The following CLHC1 variants were observed in gnomAD, a reference collection of about 807,000 sequenced individuals.
The protein encoded by CLHC1 is clathrin heavy chain linker domain containing 1.
In CLHC1, 72 loss-of-function variants were observed where a neutral mutation model predicts 69.5. That is an observed-to-expected ratio of 1.04 (90% confidence interval 0.86 to 1.26). CLHC1 has a LOEUF of 1.26. CLHC1 is among the 50% of genes most tolerant of loss of function. The probability of loss-of-function intolerance (pLI) is 0.00; values close to 1 mark genes in which losing one functional copy is unlikely to be tolerated. For missense variants in CLHC1, 790 were observed against 679.3 expected, an observed-to-expected ratio of 1.16 and a Z score of -1.81; for synonymous variants, 223 against 224.3, an observed-to-expected ratio of 0.99 and a Z score of 0.05.
intron 8 of CLHC1, 31 bp downstream of exon 8, chr2:55,208,595 T>A (rs756302015): frequency 1.5e-6 from 2 of 1,365,520 alleles, no homozygotes; most frequent in Admixed American, 1.8e-5. Flanking sequence ...AAAATATAAT[T>A]CTGAAAAATT....
At chr2:55,211,305 T>C (rs1373778637) in intron 5 of CLHC1, among the ~76,000 whole-genome samples, 1 of 151,854 alleles carries the variant, frequency 6.6e-6, no homozygotes, top group Non-Finnish European at 1.5e-5. Context: ...ATCAAGACCA[T>C]CATGGCTAAC....
intron 6 of CLHC1, 23 bp from the exon 7 acceptor site, chr2:55,209,539 T>A (rs1461227012): frequency 6.3e-7 from 1 of 1,580,990 alleles, no homozygotes; most frequent in Non-Finnish European, 8.7e-7. Context: ...AAAACGTCAA[T>A]AACACACTGA....
intron 4 of CLHC1, among the ~76,000 whole-genome samples, chr2:55,215,610 T>A (rs1190611069): frequency 6.6e-6 from 1 of 152,216 alleles, no homozygotes; most frequent in East Asian, 1.9e-4. Context: ...AGTTTACCTC[T>A]GGTTCACCCT....
Position 55,209,745 on chromosome 2 carries a change from C to T in CLHC1, c.586G>A (p.Ala196Thr), listed in dbSNP as rs1360585645. 10 of 1,612,182 alleles carry T rather than the reference C, an allele frequency of 6.2e-6. No individual in the cohort carries two copies. The highest frequency in any genetic ancestry group is 1.1e-5 in the South Asian group (1 of 91,054). ...LEDKYAEIKQ[A>T]MLIKYVPAQR... is the part of the protein sequence containing the mutation. ...GCTGGCACATATTTTATCAACATAG[C>T]TTGTTTAATTTCTGCATATTTATCT... is the stretch of plus-strand genomic sequence containing the variant. The change falls in exon 6 of 13, where the codon GCT (alanine) becomes ACT (threonine). Residue 196 changes from alanine to threonine, a missense_variant. Coordinates refer to ENST00000401408, the MANE Select transcript of CLHC1 (RefSeq NM_152385.4).
Position 55,173,086 on chromosome 2 carries a change from A to G in CLHC1, c.*2704T>C, listed in dbSNP as rs1486082842. Among the ~76,000 whole-genome samples, 1 of 152,218 alleles carries G rather than the reference A, an allele frequency of 6.6e-6. No individual in the cohort carries two copies. The highest frequency in any genetic ancestry group is 1.5e-5 in the Non-Finnish European group (1 of 68,040). On this transcript the variant is annotated 3_prime_UTR_variant, in exon 13 of 13. Coordinates refer to ENST00000401408, the MANE Select transcript of CLHC1 (RefSeq NM_152385.4). ...AGAAAACCTAATATGAAATCAGAGAAACTTAGTTCATCATGACCCTTGCTT... is the reference window on the plus strand; with the variant it reads ...AGAAAACCTAATATGAAATCAGAGAGACTTAGTTCATCATGACCCTTGCTT...
intron 9 of CLHC1, among the ~76,000 whole-genome samples, chr2:55,194,246 G>A (rs973542417): frequency 8.6e-5 from 13 of 151,938 alleles, no homozygotes; most frequent in African/African-American, 3.1e-4. Flanking sequence ...AAATTTTGTG[G>A]AGTTTTTCCC....
intron 9 of CLHC1, among the ~76,000 whole-genome samples, chr2:55,200,261 T>TAAA (rs151215512): frequency 2.8e-4 from 29 of 103,884 alleles, no homozygotes; most frequent in South Asian, 9.3e-4. Context: ...GCTGAGTAGA[T>TAAA]AAAAAAAAAA....
At chr2:55,186,168 T>G (rs1362203977) in intron 9 of CLHC1, among the ~76,000 whole-genome samples, 1 of 152,280 alleles carries the variant, frequency 6.6e-6, no homozygotes, top group Middle Eastern at 3.4e-3. Flanking sequence ...ATGTATGTGA[T>G]TCAGGAAGTC....
At chr2:55,223,527 G>C (rs977514616) in intron 2 of CLHC1, among the ~76,000 whole-genome samples, 4 of 152,094 alleles carry the variant, frequency 2.6e-5, no homozygotes. Flanking sequence ...GCTGTGCTCC[G>C]AGCGCCAAGG....
At position 55,185,278 on chromosome 2, in the gene CLHC1, C is replaced by T. The variant is rs141606403; in HGVS notation, c.1007-3534G>A. Among the ~76,000 whole-genome samples the T allele has an allele frequency of 2.2e-3, 339 of 152,126 alleles. 1 individual carries two copies. Among genetic ancestry groups the T allele is most frequent in the African/African-American group, 7.7e-3 (320 of 41,494 alleles). On this transcript the variant is annotated intron_variant, in intron 9 of 12. Transcript: ENST00000401408. Reference sequence around the variant, plus strand: ...AGAAAGTCTCAGGAATTGCCAGCACCGGGAACCTCTGTAATGAGATGGGCT... The same window carrying T: ...AGAAAGTCTCAGGAATTGCCAGCACTGGGAACCTCTGTAATGAGATGGGCT...
chr2:55,200,060 C>T (rs745637430), intron 9 of CLHC1, among the ~76,000 whole-genome samples: 2 of 151,662 alleles, frequency 1.3e-5, no homozygotes, highest in Admixed American at 6.6e-5. Flanking sequence ...CTTGTCTCCA[C>T]AAAAATTTAA....
rs766514446 is a variant in CLHC1 at position 55,175,822 on chromosome 2, C to A, written c.1729G>T (p.Ala577Ser). The change falls in exon 13 of 13, where the codon GCA becomes TCA. Residue 577 changes from alanine to serine, a missense_variant. Ala to Ser is a moderately conservative substitution (Grantham distance 99, BLOSUM62 1). Coordinates refer to ENST00000401408, the MANE Select transcript of CLHC1 (RefSeq NM_152385.4). The stretch of plus-strand genomic sequence containing the variant: ...AACACATGTTCCATTAGGTTGACTG[C>A]GTCATCCTCTTCAGAAATTTCTGTA... ...AVTEISEEDD[A>S]VNLMEHVFW 6.2e-7 allele frequency: 1 copy of A among 1,613,612 alleles called. No homozygotes were observed. Among genetic ancestry groups the A allele is most frequent in the East Asian group, 2.2e-5 (1 of 44,842 alleles).
chr2:55,221,389 AAGTC>A (rs1185870657), intron 3 of CLHC1, among the ~76,000 whole-genome samples: 1 of 152,222 alleles, frequency 6.6e-6, no homozygotes, highest in African/African-American at 2.4e-5. Flanking sequence ...ATGTTCCACA[AAGTC>A]AGAGCATTTT....
At chr2:55,212,199 C>A (rs545470606) in intron 5 of CLHC1, among the ~76,000 whole-genome samples, 5 of 152,258 alleles carry the variant, frequency 3.3e-5, no homozygotes, top group African/African-American at 1.2e-4. Context: ...ATCGCTTAAA[C>A]CCTGGAGAGG....
At chr2:55,216,828 T>C (rs1275981141) in intron 4 of CLHC1, among the ~76,000 whole-genome samples, 1 of 151,982 alleles carries the variant, frequency 6.6e-6, no homozygotes, top group African/African-American at 2.4e-5. Context: ...CGGACCCTCA[T>C]TTTATGATAC....
intron 9 of CLHC1, among the ~76,000 whole-genome samples, chr2:55,197,860 T>C (rs1671569407): frequency 6.6e-6 from 1 of 151,936 alleles, no homozygotes; most frequent in Non-Finnish European, 1.5e-5. Context: ...CTAAATAAGG[T>C]AACAGGGCCA....
intron 9 of CLHC1, among the ~76,000 whole-genome samples, chr2:55,188,733 C>T (rs1033691727): frequency 6.6e-6 from 1 of 151,876 alleles, no homozygotes; most frequent in Non-Finnish European, 1.5e-5. Flanking sequence ...TAGTACATTT[C>T]AATCTAGAAG....
intron 5 of CLHC1, among the ~76,000 whole-genome samples, chr2:55,210,139 C>T (rs1672844848): frequency 6.6e-6 from 1 of 151,794 alleles, no homozygotes; most frequent in Non-Finnish European, 1.5e-5. Context: ...GGATTACAGG[C>T]GTGAGCCACT....
chr2:55,209,260 G>A (rs571842424), intron 7 of CLHC1, 144 bp downstream of exon 7: 10 of 598,682 alleles, frequency 1.7e-5, no homozygotes, highest in Non-Finnish European at 3.0e-5. Context: ...GCTGTTGAAG[G>A]AAGAAACCCA....
Sources: gnomAD v4.1 joint callset for allele counts (sites outside exome capture counted in the v4.1 genomes callset) on GRCh38, gnomAD v4.1.1 for gene constraint, MANE v1.5 for transcripts, NCBI Gene and HGNC (gene_info 2026-07-23, HGNC 2026-07-21) for gene names.